The following MYO10 variants were observed in gnomAD, a reference collection of about 807,000 sequenced individuals.
The protein encoded by MYO10 is unconventional myosin-X.
Under a neutral mutation model 257.3 loss-of-function variants are expected in MYO10, and 133 were observed. The ratio of observed to expected loss-of-function variants is 0.52; its 90% CI spans 0.45 to 0.60. The LOEUF (loss-of-function observed/expected upper bound fraction) is 0.60, where lower values mean the gene tolerates loss of function less well. Among genes scored for constraint, MYO10 ranks in the 20% least tolerant of loss-of-function variants. The probability of loss-of-function intolerance (pLI) is 0.00; values close to 1 mark genes in which losing one functional copy is unlikely to be tolerated. For synonymous variants in MYO10, 1,104 were observed against 1,028.6 expected, an observed-to-expected ratio of 1.07 and a Z score of -1.40; for missense variants, 2,399 against 2,635.7, an observed-to-expected ratio of 0.91 and a Z score of 1.97.
chr5:16,738,001 T>G, intron 19 of MYO10: 5 of 628,364 alleles, frequency 8.0e-6, no homozygotes, highest in Non-Finnish European at 9.9e-6. Flanking sequence ...GCTAAACAGG[T>G]GAAGCAGAGT....
chr5:16,775,084 T>C lies in MYO10; in HGVS notation c.930+4461A>G, dbSNP rs552461031. 5.1e-4 allele frequency among the ~76,000 whole-genome samples: 77 copies of C among 152,324 alleles called. 2 individuals are homozygous for C. In the South Asian group the frequency reaches 0.016, roughly 31 times the overall value. Reference sequence around the variant, plus strand: ...CTCCTGTTACTTCATACACATTTCATCAGCCACCAACCTGGTGGGCCAAAT... The same window carrying C: ...CTCCTGTTACTTCATACACATTTCACCAGCCACCAACCTGGTGGGCCAAAT... On this transcript the variant is annotated intron_variant, in intron 9 of 40. Coordinates refer to ENST00000513610, the MANE Select transcript of MYO10 (RefSeq NM_012334.3).
At chr5:16,897,861 A>G (rs1442444047) in intron 1 of MYO10, among the ~76,000 whole-genome samples, 1 of 152,226 alleles carries the variant, frequency 6.6e-6, no homozygotes, top group Non-Finnish European at 1.5e-5. Flanking sequence ...AACAATGCCT[A>G]AGTGGCTAGC....
intron 19 of MYO10, among the ~76,000 whole-genome samples, chr5:16,746,546 A>G (rs538071605): frequency 6.6e-6 from 1 of 152,292 alleles, no homozygotes; most frequent in East Asian, 1.9e-4. Context: ...ATCTTTGCAA[A>G]TTATGGACAC....
At chr5:16,786,480 T>G (rs922656661) in intron 4 of MYO10, among the ~76,000 whole-genome samples, 87 of 152,302 alleles carry the variant, frequency 5.7e-4, no homozygotes, top group African/African-American at 2.0e-3. Context: ...TTTGAGAATA[T>G]CTGCATTACA....
intron 19 of MYO10, among the ~76,000 whole-genome samples, chr5:16,743,562 G>T (rs573965647): frequency 9.9e-5 from 15 of 152,012 alleles, no homozygotes; most frequent in Admixed American, 9.8e-4. Context: ...AGAATTGCTT[G>T]AACTCGGGAG....
intron 19 of MYO10, among the ~76,000 whole-genome samples, chr5:16,726,587 T>A (rs1257370111): frequency 6.6e-6 from 1 of 152,160 alleles, no homozygotes; most frequent in Non-Finnish European, 1.5e-5. Flanking sequence ...AAGCCAGCAC[T>A]AAGCACCACT....
chr5:16,748,860 C>T (rs1048875279), intron 19 of MYO10, among the ~76,000 whole-genome samples: 1 of 151,960 alleles, frequency 6.6e-6, no homozygotes, highest in Admixed American at 6.6e-5. Context: ...AAGGAAGCCC[C>T]GTGGAAGAGA....
Position 16,670,516 on chromosome 5 carries a change from C to A in MYO10, c.5883+10G>T. 6.3e-7 allele frequency: 1 copy of A among 1,587,532 alleles called. No individual in the cohort carries two copies. The highest frequency in any genetic ancestry group is 1.2e-5 in the South Asian group (1 of 86,928). On this transcript the variant is annotated intron_variant, in intron 39 of 40. Coordinates refer to ENST00000513610, the MANE Select transcript of MYO10 (RefSeq NM_012334.3). The stretch of plus-strand genomic sequence containing the variant: ...CCAGCCCACCCCAACACACGGCAGC[C>A]AGTTCTCACCTCCACATCAAACAGC...
chr5:16,789,844 A>G (rs967291866), intron 4 of MYO10, among the ~76,000 whole-genome samples: 1 of 152,144 alleles, frequency 6.6e-6, no homozygotes, highest in Non-Finnish European at 1.5e-5. Flanking sequence ...TTCAAATCCT[A>G]TGTTTGTTGC....
chr5:16,725,435 G>A (rs1739323930), intron 19 of MYO10, among the ~76,000 whole-genome samples: 1 of 152,018 alleles, frequency 6.6e-6, no homozygotes, highest in Non-Finnish European at 1.5e-5. Flanking sequence ...AATAAAAATA[G>A]CAACTACCCA....
chr5:16,812,989 A>C (rs975804098), intron 3 of MYO10, among the ~76,000 whole-genome samples: 1 of 152,126 alleles, frequency 6.6e-6, no homozygotes, highest in Non-Finnish European at 1.5e-5. Context: ...AGCTACAATA[A>C]AAAAATATTT....
intron 39 of MYO10, among the ~76,000 whole-genome samples, chr5:16,669,897 CTG>C (rs769981382): frequency 3.3e-4 from 51 of 152,256 alleles, no homozygotes; most frequent in African/African-American, 8.9e-4. Flanking sequence ...CTACTCAACT[CTG>C]TACAAAAACA....
At chr5:16,694,310 T>A (rs1042723163) in intron 27 of MYO10, 61 bp downstream of exon 27, 124 of 1,605,726 alleles carry the variant, frequency 7.7e-5, no homozygotes, top group Non-Finnish European at 1.0e-4. Flanking sequence ...AGCATGGCTC[T>A]ATGACCACCA....
At chr5:16,843,345 C>CACAT (rs1743540148) in intron 2 of MYO10, among the ~76,000 whole-genome samples, 1 of 152,196 alleles carries the variant, frequency 6.6e-6, no homozygotes, top group Admixed American at 6.5e-5. Context: ...TATACATACA[C>CACAT]ACATACATAC....
At chr5:16,851,137 T>A (rs1017807768) in intron 2 of MYO10, among the ~76,000 whole-genome samples, 1 of 152,152 alleles carries the variant, frequency 6.6e-6, no homozygotes, top group Non-Finnish European at 1.5e-5. Flanking sequence ...ATAGACAGCG[T>A]AAGACTTTAT....
At chr5:16,909,907 T>A (rs557530184) in intron 1 of MYO10, among the ~76,000 whole-genome samples, 1 of 152,216 alleles carries the variant, frequency 6.6e-6, no homozygotes, top group East Asian at 1.9e-4. Context: ...TCTCTATTGC[T>A]TCCTCTCTCA....
chr5:16,704,510 G>C, intron 22 of MYO10, 69 bp downstream of exon 22: 1 of 1,365,012 alleles, frequency 7.3e-7, no homozygotes, highest in Non-Finnish European at 1.0e-6. Context: ...CACTCCACTG[G>C]AACACACTGG....
chr5:16,812,907 G>A (rs1200269403), intron 3 of MYO10, among the ~76,000 whole-genome samples: 2 of 150,294 alleles, frequency 1.3e-5, no homozygotes, highest in Non-Finnish European at 2.9e-5. Context: ...ACTCTAACTT[G>A]ACTATTCTGG....
At chr5:16,768,664 C>CTTTTTTTTTTTTT (rs34950225) in intron 10 of MYO10, among the ~76,000 whole-genome samples, 11 of 70,164 alleles carry the variant, frequency 1.6e-4, no homozygotes, top group African/African-American at 1.7e-4. Context: ...TTTCTCTTTT[C>CTTTTTTTTTTTTT]TTTTTTTTTT....
Sources: allele counts gnomAD v4.1 joint callset (sites outside exome capture counted in the v4.1 genomes callset), GRCh38; gene constraint gnomAD v4.1.1; transcripts MANE v1.5; gene names NCBI Gene and HGNC (gene_info 2026-07-23, HGNC 2026-07-21).